The following DMXL1 variants were observed in gnomAD, a reference collection of about 807,000 sequenced individuals.
The protein encoded by DMXL1 is dmX-like protein 1.
DMXL1 carries 99 observed loss-of-function variants against 319.2 expected under a neutral mutation model. That is an observed-to-expected ratio of 0.31 (90% confidence interval 0.26 to 0.37). The LOEUF is 0.37. DMXL1 is among the 10% of genes least tolerant of loss of function. The pLI is 1.00. For synonymous variants in DMXL1, 1,385 were observed against 1,235.2 expected (o/e 1.12, Z -2.54); for missense variants, 3,745 against 3,595.6 (o/e 1.04, Z -1.06).
At position 119,206,879 on chromosome 5, in the gene DMXL1, G is replaced by A; in HGVS notation, c.7909G>A (p.Glu2637Lys). ...AACCATCAAAAATTCTATGATGGAG[G>A]AGCCAAACATCAATAAGGTACAAAA... ...SETIKNSMMEEPNINKIEADL... is the reference protein window; with the variant it reads ...SETIKNSMMEKPNINKIEADL... The change falls in exon 34 of 44, where the codon GAG becomes AAG. Residue 2637 changes from glutamate to lysine, a missense_variant. Physicochemically the swap from Glu to Lys is moderately conservative, Grantham distance 56. Transcript: ENST00000539542. 1 of 1,526,232 alleles carries A rather than the reference G, an allele frequency of 6.6e-7. No homozygotes were observed. Among genetic ancestry groups the A allele is most frequent in the Non-Finnish European group, 8.8e-7 (1 of 1,139,870 alleles). The allele number at this position is 1,526,232 out of a possible 1,614,324, so 94.5% of individuals were successfully genotyped here.
In DMXL1 at chr5:119,134,344, T is replaced by C. The variant is rs1328058876; in HGVS notation, c.2331T>C (p.Ile777=). ...GQYLRLYEAV[I]DAKKLLSELS... ...ATCTGAGATTATATGAAGCAGTTATTGATGCTAAGAAACTTTTATCTGAGC... is the reference window on the plus strand; with the variant it reads ...ATCTGAGATTATATGAAGCAGTTATCGATGCTAAGAAACTTTTATCTGAGC... The change falls in exon 13 of 44, where the codon ATT becomes ATC. Residue 777 remains isoleucine, a synonymous_variant. Transcript: ENST00000539542. 1 of 1,613,800 alleles carries C rather than the reference T, an allele frequency of 6.2e-7. No individual in the cohort carries two copies. Among genetic ancestry groups the C allele is most frequent in the Non-Finnish European group, 8.5e-7 (1 of 1,179,880 alleles).
chr5:119,132,848 C>G, intron 10 of DMXL1: 1 of 565,788 alleles, frequency 1.8e-6, no homozygotes. Context: ...AAGTTTTCTC[C>G]TTTCATCTGT....
intron 38 of DMXL1, among the ~76,000 whole-genome samples, chr5:119,225,622 A>T (rs1785403211): frequency 6.6e-6 from 1 of 152,138 alleles, no homozygotes; most frequent in Non-Finnish European, 1.5e-5. Flanking sequence ...TAACAAAATC[A>T]GTATTCTTTT....
intron 4 of DMXL1, among the ~76,000 whole-genome samples, chr5:119,106,125 A>G (rs1469219410): frequency 1.3e-5 from 2 of 152,130 alleles, no homozygotes; most frequent in East Asian, 3.9e-4. Flanking sequence ...GGCTTTGTTC[A>G]CATATCTGGG....
intron 19 of DMXL1, among the ~76,000 whole-genome samples, chr5:119,153,083 T>C (rs1770192142): frequency 6.6e-6 from 1 of 152,046 alleles, no homozygotes; most frequent in Non-Finnish European, 1.5e-5. Context: ...TTCAACTGAT[T>C]CTCCTGCCTC....
intron 15 of DMXL1, 80 bp from the exon 16 acceptor site, chr5:119,146,757 C>T: frequency 4.5e-6 from 6 of 1,346,904 alleles, no homozygotes; most frequent in South Asian, 1.7e-5. Flanking sequence ...TTTTAAAGTC[C>T]AATTATTTTA....
chr5:119,121,789 C>T (rs1311822720), intron 9 of DMXL1, among the ~76,000 whole-genome samples: 1 of 152,224 alleles, frequency 6.6e-6, no homozygotes, highest in Non-Finnish European at 1.5e-5. Flanking sequence ...TCTCAATGAG[C>T]TGTTGGGTAC....
intron 2 of DMXL1, among the ~76,000 whole-genome samples, chr5:119,100,870 C>T (rs1009597044): frequency 1.9e-4 from 28 of 150,608 alleles, no homozygotes; most frequent in African/African-American, 3.4e-4. Context: ...AGCTCCGCCT[C>T]CCGGGTTCAC....
chr5:119,112,077 C>T (rs1024212095), intron 5 of DMXL1, among the ~76,000 whole-genome samples: 5 of 152,278 alleles, frequency 3.3e-5, no homozygotes, highest in African/African-American at 9.6e-5. Flanking sequence ...TCTCCTGCCT[C>T]GGCCTCCCAA....
intron 25 of DMXL1, 70 bp downstream of exon 25, chr5:119,172,039 CTTTT>C (rs745395321): frequency 3.7e-5 from 50 of 1,369,800 alleles, no homozygotes; most frequent in Admixed American, 2.5e-5. Flanking sequence ...AATATTAAGG[CTTTT>C]TTTTAAGTAA....
chr5:119,084,383 A>G lies in DMXL1; in HGVS notation c.87+12727A>G, dbSNP rs1315625039. Reference sequence around the variant, plus strand: ...GATTCACCTGCCTCAGCCTCCCAAAATGTTGGGATTTCAGGCGTGAGCCAC... The same window carrying G: ...GATTCACCTGCCTCAGCCTCCCAAAGTGTTGGGATTTCAGGCGTGAGCCAC... On this transcript the variant is annotated intron_variant, in intron 1 of 43. Coordinates refer to ENST00000539542, the MANE Select transcript of DMXL1 (RefSeq NM_001290321.3). 3.7e-4 allele frequency among the ~76,000 whole-genome samples: 56 copies of G among 152,178 alleles called. 1 individual carries two copies. The highest frequency in any genetic ancestry group is 3.6e-3 in the Admixed American group (55 of 15,288).
intron 19 of DMXL1, chr5:119,154,761 A>G (rs1770630066): frequency 6.5e-6 from 1 of 152,800 alleles, no homozygotes; most frequent in Non-Finnish European, 1.5e-5. Flanking sequence ...AGATTTTTAA[A>G]GTACATGGAA....
At position 119,077,395 on chromosome 5, in the gene DMXL1, G is replaced by T. The variant is rs141911411; in HGVS notation, c.87+5739G>T. Among the ~76,000 whole-genome samples, 284 of 149,140 alleles carry T rather than the reference G, an allele frequency of 1.9e-3. 6 individuals are homozygous for T. Among genetic ancestry groups the T allele is most frequent in the Admixed American group, 0.018 (273 of 14,972 alleles). ...AGGGCACCTTGAAATGAGTTTTTGTGAATAATTTATTTTAGACATCTGTAA... is the reference window on the plus strand; with the variant it reads ...AGGGCACCTTGAAATGAGTTTTTGTTAATAATTTATTTTAGACATCTGTAA... On this transcript the variant is annotated intron_variant, in intron 1 of 43. Transcript: ENST00000539542.
At chr5:119,237,566 A>G in intron 40 of DMXL1, 152 bp downstream of exon 40, 1 of 542,524 alleles carries the variant, frequency 1.8e-6, no homozygotes, top group South Asian at 2.9e-5. Context: ...TCCTTGTGTT[A>G]TGTGAAAATT....
chr5:119,105,238 A>C lies in DMXL1; in HGVS notation c.344A>C (p.Asn115Thr), dbSNP rs1325176556. The C allele has an allele frequency of 1.2e-6, 2 of 1,612,840 alleles. No individual in the cohort carries two copies. The highest frequency in any genetic ancestry group is 1.3e-5 in the African/African-American group (1 of 74,918). Residue 115 changes from asparagine (N) to threonine (T), a missense_variant, in exon 4 of 44, where the codon AAT becomes ACT. By Grantham distance (65) the Asn-to-Thr change is moderately conservative. This residue lies in a region of DMXL1 where 2,096 missense variants were observed against 1,985.4 expected (regional missense o/e 1.06). Coordinates refer to ENST00000539542, the MANE Select transcript of DMXL1 (RefSeq NM_001290321.3). ...GQFFLESIAHNITWDPTGSRL... is the reference protein window; with the variant it reads ...GQFFLESIAHTITWDPTGSRL... Reference sequence around the variant, plus strand: ...TTTTTTCTGGAATCAATAGCACACAATATAACCTGGGATCCCACAGGTAAG... The same window carrying C: ...TTTTTTCTGGAATCAATAGCACACACTATAACCTGGGATCCCACAGGTAAG...
intron 25 of DMXL1, among the ~76,000 whole-genome samples, chr5:119,175,011 A>G (rs564478008): frequency 6.6e-6 from 1 of 152,326 alleles, no homozygotes; most frequent in South Asian, 2.1e-4. Context: ...TTGCTCTAGA[A>G]AAAGAAATTA....
intron 32 of DMXL1, 22 bp from the exon 33 acceptor site, chr5:119,203,297 A>G: frequency 6.9e-7 from 1 of 1,458,636 alleles, no homozygotes; most frequent in Non-Finnish European, 9.2e-7. Context: ...TTTATCATTA[A>G]ATTTGCTGTC....
At chr5:119,175,509 A>C (rs1244091209) in intron 26 of DMXL1, among the ~76,000 whole-genome samples, 172 bp downstream of exon 26, 2 of 152,118 alleles carry the variant, frequency 1.3e-5, no homozygotes, top group Non-Finnish European at 2.9e-5. Context: ...TGGCAGATGA[A>C]TCTCAAACCC....
chr5:119,116,418 T>A, intron 7 of DMXL1, 82 bp downstream of exon 7: 2 of 1,424,826 alleles, frequency 1.4e-6, no homozygotes, highest in Non-Finnish European at 1.9e-6. Flanking sequence ...CTTTTGAGAG[T>A]CCATAGTTAC....
Sources: allele counts gnomAD v4.1 joint callset (sites outside exome capture counted in the v4.1 genomes callset), GRCh38; gene constraint gnomAD v4.1.1; regional missense constraint gnomAD v4.1.1; transcripts MANE v1.5; gene names NCBI Gene and HGNC (gene_info 2026-07-23, HGNC 2026-07-21).